NTRK2: variants seen among roughly 807,000 people sequenced by gnomAD.
NTRK2 encodes BDNF/NT-3 growth factors receptor.
In NTRK2, 13 loss-of-function variants were observed where a neutral mutation model predicts 94.5. The ratio of observed to expected loss-of-function variants is 0.14; its 90% confidence interval spans 0.09 to 0.22. The LOEUF is 0.22. Among genes scored for constraint, NTRK2 ranks in the 10% least tolerant of loss-of-function variants. The pLI is 1.00. For missense variants in NTRK2, 639 were observed against 1,071.2 expected (o/e 0.60, Z 5.63); for synonymous variants, 372 against 407.4 (o/e 0.91, Z 1.05).
chr9:84,743,782 C>T (rs2063838602), intron 10 of NTRK2, among the ~76,000 whole-genome samples: 1 of 152,084 alleles, frequency 6.6e-6, no homozygotes, highest in Non-Finnish European at 1.5e-5. Context: ...TTGGCTATAA[C>T]ATGAAGAGGG....
chr9:84,944,831 T>A (rs954015306), intron 15 of NTRK2, among the ~76,000 whole-genome samples: 1 of 152,234 alleles, frequency 6.6e-6, no homozygotes, highest in Non-Finnish European at 1.5e-5. Flanking sequence ...TGGTTTCAAA[T>A]TCAAATCATC....
intron 12 of NTRK2, among the ~76,000 whole-genome samples, chr9:84,804,721 A>G (rs1236326583): frequency 6.6e-6 from 1 of 152,224 alleles, no homozygotes; most frequent in Non-Finnish European, 1.5e-5. Context: ...TATATTGCTT[A>G]TCTGTACTGA....
At chr9:84,996,662 C>G (rs1326301872) in intron 17 of NTRK2, among the ~76,000 whole-genome samples, 1 of 152,196 alleles carries the variant, frequency 6.6e-6, no homozygotes, top group East Asian at 1.9e-4. Context: ...AGTGAGTACT[C>G]TATTCTAGGT....
chr9:84,676,835 GTC>G (rs1253921325), intron 2 of NTRK2, among the ~76,000 whole-genome samples: 1 of 152,190 alleles, frequency 6.6e-6, no homozygotes, highest in Non-Finnish European at 1.5e-5. Flanking sequence ...ACATGGCTAA[GTC>G]TGTGCAAACT....
At chr9:84,820,654 T>G (rs866207209) in intron 12 of NTRK2, among the ~76,000 whole-genome samples, 1 of 152,362 alleles carries the variant, frequency 6.6e-6, no homozygotes, top group South Asian at 2.1e-4. Flanking sequence ...CCTAAAAATT[T>G]CGAATATATT....
chr9:85,020,500 A>G, intron 18 of NTRK2, 136 bp downstream of exon 18: 1 of 861,982 alleles, frequency 1.2e-6, no homozygotes, highest in Non-Finnish European at 1.9e-6. Flanking sequence ...GCACTTCCCA[A>G]GTAGCCTGCT....
chr9:84,834,702 T>C (rs1587586430), intron 12 of NTRK2, among the ~76,000 whole-genome samples: 1 of 152,196 alleles, frequency 6.6e-6, no homozygotes, highest in Non-Finnish European at 1.5e-5. Context: ...GCCCACTGAC[T>C]GCAGGCAACA....
intron 14 of NTRK2, among the ~76,000 whole-genome samples, chr9:84,882,719 T>TGTGTGTGTGTGCGCGCGCGCGCGC (rs761042296): frequency 4.8e-5 from 7 of 145,738 alleles, no homozygotes; most frequent in African/African-American, 1.8e-4. Flanking sequence ...TGTGTGTGTG[T>TGTGTGTGTGTGCGCGCGCGCGCGC]GCGCGCGCGC....
chr9:84,737,113 C>T (rs2063317232), intron 9 of NTRK2, among the ~76,000 whole-genome samples: 1 of 152,146 alleles, frequency 6.6e-6, no homozygotes. Flanking sequence ...AAAGTCTTTT[C>T]TCTCTCTCTT....
At chr9:84,996,886 T>C (rs1165457439) in intron 17 of NTRK2, among the ~76,000 whole-genome samples, 2 of 152,244 alleles carry the variant, frequency 1.3e-5, no homozygotes, top group East Asian at 3.9e-4. Flanking sequence ...CTAGATTTTC[T>C]AGTGCCTCCA....
chr9:84,873,802 C>G (rs2075962492), intron 14 of NTRK2: 1 of 1,055,828 alleles, frequency 9.5e-7, no homozygotes, highest in Admixed American at 5.4e-5. Context: ...AAATATCACC[C>G]AAGTATAGTA....
At chr9:84,708,073 G>T (rs2061216612) in intron 5 of NTRK2, among the ~76,000 whole-genome samples, 161 bp downstream of exon 5, 1 of 151,824 alleles carries the variant, frequency 6.6e-6, no homozygotes, top group African/African-American at 2.4e-5. Flanking sequence ...TTCCTTCAAG[G>T]TTTATTATCT....
At chr9:84,812,149 T>C in intron 12 of NTRK2, 1 of 1,058,796 alleles carries the variant, frequency 9.4e-7, no homozygotes, top group Non-Finnish European at 1.1e-6. Context: ...AGAAACATTG[T>C]TTTGAATCCT....
At chr9:84,678,830 A>G (rs940839351) in intron 2 of NTRK2, among the ~76,000 whole-genome samples, 1 of 152,208 alleles carries the variant, frequency 6.6e-6, no homozygotes, top group African/African-American at 2.4e-5. Flanking sequence ...CTACCACCCA[A>G]ACTCAAAGAA....
In NTRK2 at chr9:84,879,548, C is replaced by T. The variant is rs534368889; in HGVS notation, c.1633+12117C>T. 6.6e-5 allele frequency among the ~76,000 whole-genome samples: 10 copies of T among 152,148 alleles called. No homozygotes were observed. In the South Asian group the frequency reaches 2.1e-3, roughly 32 times the overall value. On this transcript the variant is annotated intron_variant, in intron 14 of 18. Coordinates refer to ENST00000277120, the MANE Select transcript of NTRK2 (RefSeq NM_006180.6). ...GATTGTATTTTCACATTAAAAAAAT[C>T]TTAATAATTGCTGCAGTATAGATAT...
chr9:84,815,470 A>G, intron 12 of NTRK2: 1 of 1,043,098 alleles, frequency 9.6e-7, no homozygotes, highest in East Asian at 5.7e-5. Context: ...TTCATGTTCA[A>G]CCATTTGCTG....
At chr9:84,856,618 G>C (rs967471929) in intron 12 of NTRK2, among the ~76,000 whole-genome samples, 1 of 152,082 alleles carries the variant, frequency 6.6e-6, no homozygotes, top group African/African-American at 2.4e-5. Flanking sequence ...AAAGCAGCCC[G>C]GGGACTCCTC....
chr9:84,810,608 G>A, intron 12 of NTRK2: 1 of 1,613,886 alleles, frequency 6.2e-7, no homozygotes, highest in Non-Finnish European at 8.5e-7. Context: ...CAGAGAAAGG[G>A]GCTGTGGTGC....
rs143132682 is a variant in NTRK2, at chr9:84,689,033, G to A, written c.213-13126G>A. ...AATAGAAAAATAGAAAAGCATTACT[G>A]TGAGGTTAAAGTGAGCTGATGCATG... is the stretch of plus-strand genomic sequence containing the variant. On this transcript the variant is annotated intron_variant, in intron 2 of 18. Transcript: ENST00000277120. Among the ~76,000 whole-genome samples the A allele has an allele frequency of 2.6e-5, 4 of 152,342 alleles. No homozygotes were observed. The East Asian group carries it at 7.7e-4, about 29-fold the overall frequency.
Sources: gnomAD v4.1 joint callset for allele counts (sites outside exome capture counted in the v4.1 genomes callset) on GRCh38, gnomAD v4.1.1 for gene constraint, MANE v1.5 for transcripts, NCBI Gene and HGNC (gene_info 2026-07-23, HGNC 2026-07-21) for gene names.